The following NBEA variants were observed in gnomAD, a reference collection of about 807,000 sequenced individuals.
The protein encoded by NBEA is neurobeachin.
NBEA carries 44 observed loss-of-function variants against 343.4 expected under a neutral mutation model. That is an observed-to-expected ratio of 0.13 (90% CI 0.10 to 0.16). The LOEUF (loss-of-function observed/expected upper bound fraction) is 0.16, where lower values mean the gene tolerates loss of function less well. Among genes scored for constraint, NBEA ranks in the 10% least tolerant of loss-of-function variants. The pLI is 1.00. For missense variants in NBEA, 2,555 were observed against 3,631.3 expected (o/e 0.70, Z 7.62); for synonymous variants, 1,175 against 1,238.7 (o/e 0.95, Z 1.08).
intron 38 of NBEA, among the ~76,000 whole-genome samples, chr13:35,414,800 C>T (rs1238193174): frequency 3.3e-5 from 5 of 152,174 alleles, no homozygotes; most frequent in Non-Finnish European, 7.3e-5. Flanking sequence ...CCTGAGGAAT[C>T]GCCACACTGT....
At chr13:35,364,119 A>G (rs673481) in intron 38 of NBEA, among the ~76,000 whole-genome samples, 45,923 of 151,772 alleles carry the variant, frequency 0.3, 9,211 homozygotes, top group African/African-American at 0.57. Flanking sequence ...AACCTTCTCA[A>G]ACATATCCAA....
intron 17 of NBEA, among the ~76,000 whole-genome samples, chr13:35,129,515 A>C (rs1440444980): frequency 3.3e-5 from 5 of 152,286 alleles, no homozygotes; most frequent in Admixed American, 6.5e-5. Flanking sequence ...AACATTAAAC[A>C]GATTAGACAA....
chr13:35,521,930 C>T (rs146558413), intron 41 of NBEA, among the ~76,000 whole-genome samples: 238 of 152,170 alleles, frequency 1.6e-3, no homozygotes, highest in African/African-American at 5.4e-3. Context: ...AAGAAGAATG[C>T]GCAACCCAGT....
intron 1 of NBEA, among the ~76,000 whole-genome samples, chr13:34,996,939 T>A (rs1327826417): frequency 6.6e-6 from 1 of 152,178 alleles, no homozygotes; most frequent in Non-Finnish European, 1.5e-5. Context: ...AAATCTATTA[T>A]TTATGTCCTG....
At chr13:35,435,337 T>G (rs964344599) in intron 39 of NBEA, among the ~76,000 whole-genome samples, 2 of 152,116 alleles carry the variant, frequency 1.3e-5, no homozygotes, top group African/African-American at 4.8e-5. Flanking sequence ...TCTAGATGAT[T>G]GCAGTTGGTA....
At chr13:35,070,368 T>TAATTTA in intron 9 of NBEA, among the ~76,000 whole-genome samples, 3 of 152,064 alleles carry the variant, frequency 2.0e-5, no homozygotes, top group African/African-American at 7.2e-5. Context: ...ACTGAATAAG[T>TAATTTA]TAGTTGTTAG....
chr13:35,584,034 G>C lies in NBEA; in HGVS notation c.7172G>C (p.Arg2391Pro). 1 of 1,612,950 alleles carries C rather than the reference G, an allele frequency of 6.2e-7. No homozygotes were observed. Among genetic ancestry groups the C allele is most frequent in the Non-Finnish European group, 8.5e-7 (1 of 1,179,544 alleles). ...ACATCTACTTTATCCTGGCTTGTTC[G>C]AATTGTGAGTATCTTCATTGAGTTA... The part of the protein sequence containing the change: ...TATSTLSWLV[R>P]IEPFTTFFLN... The change falls in exon 46 of 59, where the codon CGA becomes CCA. Residue 2391 changes from arginine to proline, a missense_variant. Arg to Pro is a moderately radical substitution (Grantham distance 103). Coordinates refer to ENST00000379939, the MANE Select transcript of NBEA (RefSeq NM_001385012.1).
chr13:35,014,230 T>C (rs1300088358), intron 1 of NBEA, among the ~76,000 whole-genome samples: 1 of 152,222 alleles, frequency 6.6e-6, no homozygotes, highest in Non-Finnish European at 1.5e-5. Flanking sequence ...TTTTTATTTC[T>C]CTCAAACAAG....
At chr13:35,078,889 G>A (rs1171744540) in intron 10 of NBEA, among the ~76,000 whole-genome samples, 44 of 152,112 alleles carry the variant, frequency 2.9e-4, no homozygotes, top group Non-Finnish European at 1.5e-4. Context: ...GGGTGTGGTG[G>A]CACGTGCCTG....
intron 36 of NBEA, among the ~76,000 whole-genome samples, chr13:35,313,261 C>T (rs2037490631): frequency 6.6e-6 from 1 of 152,146 alleles, no homozygotes; most frequent in East Asian, 1.9e-4. Context: ...CACATAATAA[C>T]ATCATCTCAA....
chr13:35,174,404 T>C (rs2070715210), intron 27 of NBEA, among the ~76,000 whole-genome samples: 2 of 152,248 alleles, frequency 1.3e-5, no homozygotes, highest in South Asian at 2.1e-4. Flanking sequence ...AGGTCTGTTA[T>C]CACTCATTAC....
chr13:35,384,511 C>A (rs2042149201), intron 38 of NBEA, among the ~76,000 whole-genome samples: 1 of 149,932 alleles, frequency 6.7e-6, no homozygotes, highest in Non-Finnish European at 1.5e-5. Flanking sequence ...CATCTAGAAC[C>A]TTGAATAATC....
chr13:35,237,316 C>A (rs2075284344), intron 34 of NBEA, among the ~76,000 whole-genome samples: 1 of 152,086 alleles, frequency 6.6e-6, no homozygotes, highest in South Asian at 2.1e-4. Flanking sequence ...TGGTATTGAT[C>A]AGTTCTTCAG....
chr13:35,016,186 A>G (rs1480623515), intron 1 of NBEA, among the ~76,000 whole-genome samples: 2 of 151,940 alleles, frequency 1.3e-5, no homozygotes, highest in Non-Finnish European at 2.9e-5. Flanking sequence ...GATTGAGTTT[A>G]TTTCTTTGTA....
chr13:35,471,277 C>G (rs925495041), intron 40 of NBEA, among the ~76,000 whole-genome samples: 1 of 152,262 alleles, frequency 6.6e-6, no homozygotes, highest in South Asian at 2.1e-4. Context: ...GAGCCCGGCC[C>G]GGCGGGGGCC....
At chr13:35,205,077 T>C (rs754329456) in intron 31 of NBEA, among the ~76,000 whole-genome samples, 25 of 152,258 alleles carry the variant, frequency 1.6e-4, no homozygotes, top group Non-Finnish European at 3.2e-4. Flanking sequence ...TTCAAATTAA[T>C]TGTAAGATTG....
chr13:35,583,304 C>A (rs984222506), intron 45 of NBEA, among the ~76,000 whole-genome samples: 1 of 152,196 alleles, frequency 6.6e-6, no homozygotes, highest in African/African-American at 2.4e-5. Flanking sequence ...GTGGCCTCAG[C>A]AAAATGCTTT....
chr13:35,482,498 A>G (rs1045396607), intron 41 of NBEA, among the ~76,000 whole-genome samples: 5 of 151,608 alleles, frequency 3.3e-5, no homozygotes, highest in African/African-American at 7.2e-5. Flanking sequence ...TATCAATTCT[A>G]AAGTAATACT....
At chr13:35,619,161 A>G (rs915333250) in intron 48 of NBEA, among the ~76,000 whole-genome samples, 4 of 151,808 alleles carry the variant, frequency 2.6e-5, no homozygotes, top group Non-Finnish European at 4.4e-5. Flanking sequence ...TTTTAAGCAA[A>G]TAACATAAGA....
Sources: gnomAD v4.1 joint callset for allele counts (sites outside exome capture counted in the v4.1 genomes callset) on GRCh38, gnomAD v4.1.1 for gene constraint, MANE v1.5 for transcripts, NCBI Gene and HGNC (gene_info 2026-07-23, HGNC 2026-07-21) for gene names.